The following SOX5 variants were observed in gnomAD, a reference collection of about 807,000 sequenced individuals.
SOX5 encodes transcription factor SOX-5.
SOX5 carries 9 observed loss-of-function variants against 92.0 expected under a neutral mutation model. The ratio of observed to expected loss-of-function variants is 0.10; its 90% confidence interval spans 0.06 to 0.17. The LOEUF (loss-of-function observed/expected upper bound fraction) is 0.17. Among genes scored for constraint, SOX5 ranks in the 10% least tolerant of loss-of-function variants. SOX5 has a pLI of 1.00. For missense variants in SOX5, 642 were observed against 944.5 expected (o/e 0.68, Z 4.20); for synonymous variants, 344 against 336.3 (o/e 1.02, Z -0.25).
chr12:24,104,156 G>C (rs1487925939), intron 4 of SOX5, among the ~76,000 whole-genome samples: 4 of 152,098 alleles, frequency 2.6e-5, no homozygotes, highest in Non-Finnish European at 5.9e-5. Flanking sequence ...GAACATGCAA[G>C]CAAGAAAGTT....
intron 4 of SOX5, among the ~76,000 whole-genome samples, chr12:24,205,655 T>C (rs910965210): frequency 6.6e-6 from 1 of 152,206 alleles, no homozygotes; most frequent in Non-Finnish European, 1.5e-5. Context: ...AGGACAGAGC[T>C]AATTCTATAT....
intron 4 of SOX5, among the ~76,000 whole-genome samples, chr12:23,962,025 A>C (rs1946999519): frequency 1.3e-5 from 2 of 152,348 alleles, no homozygotes; most frequent in Middle Eastern, 3.4e-3. Flanking sequence ...AAAAGTGATA[A>C]GTTACATTGA....
chr12:23,606,419 C>A (rs185192774), intron 8 of SOX5, among the ~76,000 whole-genome samples: 4 of 151,488 alleles, frequency 2.6e-5, no homozygotes, highest in African/African-American at 4.8e-5. Flanking sequence ...ATTCGTTATA[C>A]ACTAAAAATG....
At chr12:23,633,956 A>G (rs1293463007) in intron 8 of SOX5, among the ~76,000 whole-genome samples, 2 of 152,164 alleles carry the variant, frequency 1.3e-5, no homozygotes, top group Non-Finnish European at 2.9e-5. Flanking sequence ...ATGGTAAGAT[A>G]AAGGGAAGAA....
chr12:24,149,983 A>T (rs1951493894), intron 4 of SOX5, among the ~76,000 whole-genome samples: 1 of 152,178 alleles, frequency 6.6e-6, no homozygotes, highest in South Asian at 2.1e-4. Context: ...GAAAATGCAA[A>T]CTAATCTATA....
Position 24,170,480 on chromosome 12 carries a change from G to A in SOX5, c.-2+42863C>T, listed in dbSNP as rs1365517365. Among the ~76,000 whole-genome samples, 3 of 152,184 alleles carry A rather than the reference G, an allele frequency of 2.0e-5. No individual in the cohort carries two copies. In the East Asian group the frequency reaches 5.8e-4, roughly 29 times the overall value. On this transcript the variant is annotated intron_variant, in intron 4 of 4. Transcript: ENST00000446891. ...CTGATTTTACCCTCAGACATACACA[G>A]AACCAGGAGAAGCAGACTTAAAATG...
intron 4 of SOX5, among the ~76,000 whole-genome samples, chr12:24,186,722 T>A (rs144986112): frequency 0.012 from 1,864 of 152,282 alleles, 52 homozygotes; most frequent in African/African-American, 0.043. Context: ...AGCATGAGTT[T>A]CTATTAAAAA....
At chr12:23,873,300 C>G (rs1181095548) in intron 2 of SOX5, among the ~76,000 whole-genome samples, 1 of 99,602 alleles carries the variant, frequency 1.0e-5, no homozygotes, top group African/African-American at 3.7e-5. Context: ...GAGAAACTGT[C>G]TCTCCAAAAA....
intron 8 of SOX5, among the ~76,000 whole-genome samples, chr12:23,637,726 A>G (rs1447085648): frequency 2.0e-5 from 3 of 152,188 alleles, no homozygotes; most frequent in South Asian, 4.1e-4. Flanking sequence ...CTTTTTGTTG[A>G]GCTAAAAACC....
At chr12:24,085,969 A>C (rs1943944224) in intron 4 of SOX5, among the ~76,000 whole-genome samples, 3 of 151,998 alleles carry the variant, frequency 2.0e-5, no homozygotes, top group Admixed American at 1.3e-4. Flanking sequence ...AAAAAAAAAA[A>C]AAGTATTTGA....
upstream of SOX5, among the ~76,000 whole-genome samples, chr12:23,954,198 T>C (rs1946002601): frequency 6.6e-6 from 1 of 152,018 alleles, no homozygotes; most frequent in Non-Finnish European, 1.5e-5. Context: ...TAGGTGCAAA[T>C]TACACTTCCA....
intron 4 of SOX5, among the ~76,000 whole-genome samples, chr12:24,085,895 A>C (rs888508947): frequency 2.0e-5 from 3 of 151,972 alleles, no homozygotes; most frequent in African/African-American, 7.2e-5. Context: ...AAATTGGTAA[A>C]ACAATCCCCA....
At chr12:23,647,599 C>T (rs924719499) in intron 7 of SOX5, among the ~76,000 whole-genome samples, 19 of 152,182 alleles carry the variant, frequency 1.2e-4, no homozygotes, top group Non-Finnish European at 4.4e-5. Context: ...GCCACTTTTG[C>T]ATCAATGACC....
At chr12:23,833,485 C>G (rs907441758) in intron 3 of SOX5, among the ~76,000 whole-genome samples, 6 of 151,932 alleles carry the variant, frequency 3.9e-5, no homozygotes, top group African/African-American at 1.2e-4. Context: ...TCTCACTTTA[C>G]CTATAGCAAT....
chr12:24,433,353 C>G (rs962101006), intron 1 of SOX5, among the ~76,000 whole-genome samples: 2 of 152,200 alleles, frequency 1.3e-5, no homozygotes, highest in South Asian at 4.1e-4. Flanking sequence ...CTTAAGTGGA[C>G]CTTTGAACAG....
At chr12:24,175,134 A>G (rs1477644583) in intron 4 of SOX5, among the ~76,000 whole-genome samples, 2 of 152,242 alleles carry the variant, frequency 1.3e-5, no homozygotes, top group Admixed American at 6.5e-5. Context: ...CATACTGTAC[A>G]TGGCAATTAA....
chr12:24,311,198 G>A (rs554247273), intron 2 of SOX5, among the ~76,000 whole-genome samples: 1 of 152,172 alleles, frequency 6.6e-6, no homozygotes, highest in Non-Finnish European at 1.5e-5. Flanking sequence ...AGGACTTGCT[G>A]TAGTACGCCC....
intron 8 of SOX5, among the ~76,000 whole-genome samples, chr12:23,623,226 C>T (rs2077385492): frequency 6.6e-6 from 1 of 152,076 alleles, no homozygotes; most frequent in Non-Finnish European, 1.5e-5. Flanking sequence ...TAAAAGAGTA[C>T]TCCTAACATA....
chr12:23,592,405 T>C (rs1045263513), intron 9 of SOX5, among the ~76,000 whole-genome samples: 2 of 152,204 alleles, frequency 1.3e-5, no homozygotes, highest in African/African-American at 4.8e-5. Flanking sequence ...AGTTCACATT[T>C]GAAAATGCAA....
Sources: allele counts gnomAD v4.1 joint callset (sites outside exome capture counted in the v4.1 genomes callset), GRCh38; gene constraint gnomAD v4.1.1; transcripts MANE v1.5; gene names NCBI Gene and HGNC (gene_info 2026-07-23, HGNC 2026-07-21).